DOCK7: variants seen among roughly 807,000 people sequenced by gnomAD.
DOCK7 encodes the protein dedicator of cytokinesis protein 7.
A neutral mutation model predicts 271.0 loss-of-function variants in DOCK7; 138 were observed. The ratio of observed to expected loss-of-function variants is 0.51; its 90% CI spans 0.44 to 0.59. The LOEUF (loss-of-function observed/expected upper bound fraction) is 0.59, where lower values mean the gene tolerates loss of function less well. DOCK7 is among the 20% of genes least tolerant of loss of function. DOCK7 has a pLI of 0.00. For synonymous variants in DOCK7, 823 were observed against 876.1 expected (o/e 0.94, Z 1.07); for missense variants, 2,066 against 2,592.4 (o/e 0.80, Z 4.41).
chr1:62,477,654 G>T, intron 44 of DOCK7, 46 bp downstream of exon 44: 2 of 1,528,934 alleles, frequency 1.3e-6, no homozygotes, highest in East Asian at 2.3e-5. Context: ...TCATCAGAGA[G>T]AATACAAACT....
intron 31 of DOCK7, among the ~76,000 whole-genome samples, chr1:62,521,640 A>G (rs566106088): frequency 3.9e-4 from 59 of 152,234 alleles, no homozygotes; most frequent in Non-Finnish European, 6.5e-4. Context: ...ATAAGTCAAG[A>G]AATTTGAATA....
chr1:62,485,117 C>A (rs1646255293), intron 43 of DOCK7: 1 of 977,874 alleles, frequency 1.0e-6, no homozygotes, highest in Non-Finnish European at 1.2e-6. Context: ...GTCTGAATTA[C>A]AGAGTGAGAC....
rs869258666 is a variant in DOCK7, at chr1:62,681,547, AAAT to A, written c.38+6677_38+6679del. 1.5e-4 allele frequency among the ~76,000 whole-genome samples: 6 copies of A among 39,268 alleles called. No homozygotes were observed. In the South Asian group the frequency reaches 8.4e-3, roughly 55 times the overall value. 25.8% of individuals were successfully genotyped at this position (39,268 alleles called of 152,430 possible). On this transcript the variant is annotated intron_variant, in intron 1 of 49. Transcript: ENST00000635253. ...CTTAAAGTATAATAAAAAATAAAAA[AAAT>A]AAAATAAAAATACAAAAAAAAAAAG...
chr1:62,469,927 A>G (rs976166191), intron 48 of DOCK7, among the ~76,000 whole-genome samples: 2 of 150,446 alleles, frequency 1.3e-5, no homozygotes, highest in African/African-American at 4.9e-5. Context: ...AAAAAAATGG[A>G]TACTGGTGTG....
At chr1:62,549,302 T>C (rs1287002604) in intron 22 of DOCK7, among the ~76,000 whole-genome samples, 1 of 152,102 alleles carries the variant, frequency 6.6e-6, no homozygotes, top group Non-Finnish European at 1.5e-5. Flanking sequence ...TTTAGCAACA[T>C]GAAGGGTGCT....
At position 62,545,000 on chromosome 1, in the gene DOCK7, G is replaced by A. The variant is rs866227759; in HGVS notation, c.2806C>T (p.Pro936Ser). ...TTGGATCCCCATGGGGCAGCTTTTG[G>A]ACCACCAGTGTTAACCCAGGAATTG... ...RSNSWVNTGG[P>S]KAAPWGSNPS... The change falls in exon 23 of 50, where the codon CCA becomes TCA. Residue 936 changes from proline (P) to serine (S), a missense_variant. Around this residue, in one of 2 missense-constraint regions of DOCK7, gnomAD observed 1,414 missense variants for 1,670.4 expected, o/e 0.85. Transcript: ENST00000635253. The A allele has an allele frequency of 6.5e-7, 1 of 1,549,818 alleles. No individual in the cohort carries two copies. The highest frequency in any genetic ancestry group is 8.7e-7 in the Non-Finnish European group (1 of 1,146,480).
rs1269169716 is a variant in DOCK7 at position 62,657,370 on chromosome 1, T to C, written c.145-3211A>G. Among the ~76,000 whole-genome samples, 4 of 152,168 alleles carry C rather than the reference T, an allele frequency of 2.6e-5. No individual in the cohort carries two copies. The East Asian group carries it at 7.7e-4, about 29-fold the overall frequency. On this transcript the variant is annotated intron_variant, in intron 2 of 49. Transcript: ENST00000635253. Reference sequence around the variant, plus strand: ...AAGACAAGTAAGAAATCTGAACTTCTACTCCGTCTGGCCAAAACAAGATAG... The same window carrying C: ...AAGACAAGTAAGAAATCTGAACTTCCACTCCGTCTGGCCAAAACAAGATAG...
intron 18 of DOCK7, among the ~76,000 whole-genome samples, chr1:62,569,712 T>TCCCCCCCC (rs759891951): frequency 7.0e-4 from 40 of 57,270 alleles, no homozygotes; most frequent in South Asian, 1.7e-3. Context: ...CTCTCCCCCC[T>TCCCCCCCC]CCCCCCCCCC....
At chr1:62,532,488 T>G (rs749761174) in intron 29 of DOCK7, among the ~76,000 whole-genome samples, 3 of 152,176 alleles carry the variant, frequency 2.0e-5, no homozygotes, top group African/African-American at 2.4e-5. Flanking sequence ...TGCACCACCA[T>G]GTACGGCTAA....
chr1:62,600,453 A>T (rs1186720257), intron 14 of DOCK7, among the ~76,000 whole-genome samples: 1 of 151,842 alleles, frequency 6.6e-6, no homozygotes, highest in Non-Finnish European at 1.5e-5. Context: ...AATGCAAGAT[A>T]TTATATATTC....
At chr1:62,490,060 CT>C (rs34084769) in intron 41 of DOCK7, among the ~76,000 whole-genome samples, 50 of 126,124 alleles carry the variant, frequency 4.0e-4, no homozygotes, top group African/African-American at 8.5e-4. Flanking sequence ...ATCCCTTATC[CT>C]TTTTTTTTTT....
At chr1:62,576,251 T>A (rs980874451) in intron 18 of DOCK7, among the ~76,000 whole-genome samples, 1 of 151,640 alleles carries the variant, frequency 6.6e-6, no homozygotes, top group African/African-American at 2.4e-5. Context: ...TGAGGAAAAA[T>A]AAAGAGATAA....
intron 2 of DOCK7, among the ~76,000 whole-genome samples, chr1:62,661,508 AT>A (rs1410268029): frequency 4.6e-5 from 7 of 151,952 alleles, no homozygotes; most frequent in Non-Finnish European, 7.4e-5. Flanking sequence ...ATATATAAAT[AT>A]TTTTTTAAAT....
intron 18 of DOCK7, among the ~76,000 whole-genome samples, chr1:62,562,538 T>C (rs1231710500): frequency 6.6e-6 from 1 of 151,922 alleles, no homozygotes; most frequent in Non-Finnish European, 1.5e-5. Context: ...CAGAAGTAAA[T>C]TGCTAGGAAT....
chr1:62,619,953 A>T lies in DOCK7; in HGVS notation c.1466T>A (p.Leu489His). Residue 489 changes from leucine to histidine, a missense_variant, in exon 13 of 50, where the codon CTT becomes CAT. By Grantham distance (99) the Leu-to-His change is moderately conservative. Around this residue, in one of 2 missense-constraint regions of DOCK7, gnomAD observed 1,414 missense variants for 1,670.4 expected, o/e 0.85. Coordinates refer to ENST00000635253, the MANE Select transcript of DOCK7 (RefSeq NM_001367561.1). ...AGAAGATGGCCTTCTCATATCAGCA[A>T]GGAATTTGTAGAGATCTTCATCACT... is the stretch of plus-strand genomic sequence containing the variant. ...RLSDEDLYKF[L>H]ADMRRPSSVL... 6.2e-7 allele frequency: 1 copy of T among 1,613,882 alleles called. No individual in the cohort carries two copies. Among genetic ancestry groups the T allele is most frequent in the Non-Finnish European group, 8.5e-7 (1 of 1,179,850 alleles).
chr1:62,468,563 A>G (rs1277507959), intron 48 of DOCK7, among the ~76,000 whole-genome samples: 1 of 152,132 alleles, frequency 6.6e-6, no homozygotes, highest in Non-Finnish European at 1.5e-5. Flanking sequence ...TCCTAGCCAG[A>G]GCAATCAGAC....
chr1:62,525,557 GT>G (rs1277690595), intron 31 of DOCK7, among the ~76,000 whole-genome samples: 5 of 152,142 alleles, frequency 3.3e-5, no homozygotes, highest in Non-Finnish European at 7.3e-5. Context: ...AAATAAAAAG[GT>G]TAATACAATT....
In DOCK7 at chr1:62,475,949, A is replaced by G. The variant is rs1645958508; in HGVS notation, c.5725-6T>C. 1.2e-6 allele frequency: 2 copies of G among 1,612,006 alleles called. No individual in the cohort carries two copies. Among genetic ancestry groups the G allele is most frequent in the African/African-American group, 1.3e-5 (1 of 74,856 alleles). ...TAGGTAATCTGAATATATGCCTAGG[A>G]AAGAAAAAAGTCCTTCATTTCCTCA... On this transcript the variant is annotated splice_region_variant and splice_polypyrimidine_tract_variant and intron_variant, in intron 45 of 49. Coordinates refer to ENST00000635253, the MANE Select transcript of DOCK7 (RefSeq NM_001367561.1).
chr1:62,538,487 T>G (rs1013833308), intron 27 of DOCK7, among the ~76,000 whole-genome samples: 3 of 152,220 alleles, frequency 2.0e-5, no homozygotes, highest in Non-Finnish European at 4.4e-5. Context: ...TACTATAAAC[T>G]GATTTAACAG....
Sources: allele counts gnomAD v4.1 joint callset (sites outside exome capture counted in the v4.1 genomes callset), GRCh38; gene constraint gnomAD v4.1.1; regional missense constraint gnomAD v4.1.1; transcripts MANE v1.5; gene names NCBI Gene and HGNC (gene_info 2026-07-23, HGNC 2026-07-21).